GLYATL2: variants seen among roughly 807,000 people sequenced by gnomAD.
GLYATL2 encodes glycine N-acyltransferase-like protein 2.
GLYATL2 carries 25 observed loss-of-function variants against 21.4 expected under a neutral mutation model. That is an observed-to-expected ratio of 1.17 (90% CI 0.85 to 1.63). The LOEUF is 1.63. GLYATL2 is among the 40% of genes most tolerant of loss of function. The probability of loss-of-function intolerance (pLI) is 0.00; values close to 1 mark genes in which losing one functional copy is unlikely to be tolerated. For synonymous variants in GLYATL2, 114 were observed against 118.2 expected, an observed-to-expected ratio of 0.96 and a Z score of 0.23; for missense variants, 361 against 343.3, an observed-to-expected ratio of 1.05 and a Z score of -0.41.
chr11:58,868,392 A>G lies in GLYATL2; in HGVS notation n.61-30024T>C, dbSNP rs891206263. On this transcript the variant is annotated intron_variant and non_coding_transcript_variant, in intron 1 of 4. Transcript: ENST00000533636. Reference sequence around the variant, plus strand: ...GACACCAGGCATCTCATAAATCATGATTGCTTCCTTAGGTCTCCTGAGTTC... The same window carrying G: ...GACACCAGGCATCTCATAAATCATGGTTGCTTCCTTAGGTCTCCTGAGTTC... 2.0e-5 allele frequency among the ~76,000 whole-genome samples: 3 copies of G among 148,548 alleles called. 1 individual carries two copies. Among genetic ancestry groups the G allele is most frequent in the East Asian group, 4.5e-4 (2 of 4,426 alleles).
intron 1 of GLYATL2, among the ~76,000 whole-genome samples, chr11:58,883,440 C>T (rs1389545734): frequency 6.6e-6 from 1 of 152,166 alleles, no homozygotes; most frequent in Admixed American, 6.5e-5. Flanking sequence ...CTATAAAAAC[C>T]TCTACGCAAA....
intron 1 of GLYATL2, among the ~76,000 whole-genome samples, chr11:58,887,707 G>C (rs1440581139): frequency 1.3e-5 from 2 of 152,176 alleles, no homozygotes; most frequent in Non-Finnish European, 2.9e-5. Flanking sequence ...GCATTCCATA[G>C]AGTCAATGCA....
chr11:58,871,568 A>C (rs977208541), intron 1 of GLYATL2, among the ~76,000 whole-genome samples: 2 of 151,940 alleles, frequency 1.3e-5, no homozygotes, highest in African/African-American at 2.4e-5. Context: ...TTTGCTGAGA[A>C]TGATGGTTTC....
chr11:58,848,041 C>G (rs1476858788), upstream of GLYATL2, among the ~76,000 whole-genome samples: 1 of 119,594 alleles, frequency 8.4e-6, no homozygotes, highest in Non-Finnish European at 1.6e-5. Context: ...GGGAAGAAAA[C>G]AGAACAGTCT....
intron 1 of GLYATL2, among the ~76,000 whole-genome samples, chr11:58,853,517 G>A (rs1341796618): frequency 6.6e-6 from 1 of 152,124 alleles, no homozygotes; most frequent in Non-Finnish European, 1.5e-5. Flanking sequence ...GACGACTGTA[G>A]TATCAACTGG....
chr11:58,859,332 C>A (rs1055185450), intron 1 of GLYATL2, among the ~76,000 whole-genome samples: 1 of 151,380 alleles, frequency 6.6e-6, no homozygotes, highest in African/African-American at 2.4e-5. Context: ...CATTCTCTCT[C>A]TCTCTCATCC....
intron 1 of GLYATL2, among the ~76,000 whole-genome samples, chr11:58,842,405 T>A (rs1032104444): frequency 1.3e-5 from 2 of 152,136 alleles, no homozygotes; most frequent in Admixed American, 1.3e-4. Context: ...ACTGTCTATG[T>A]GCAGTTTGCC....
intron 1 of GLYATL2, among the ~76,000 whole-genome samples, chr11:58,886,446 AGTTC>A (rs1854441518): frequency 3.3e-5 from 5 of 152,228 alleles, no homozygotes; most frequent in Non-Finnish European, 7.3e-5. Context: ...TCTGAATTCA[AGTTC>A]ATTGCACTCT....
At chr11:58,874,633 A>T (rs1854191983) in intron 1 of GLYATL2, among the ~76,000 whole-genome samples, 1 of 152,164 alleles carries the variant, frequency 6.6e-6, no homozygotes, top group African/African-American at 2.4e-5. Flanking sequence ...TTCTAGTTTG[A>T]TTGCACTGTG....
intron 1 of GLYATL2, among the ~76,000 whole-genome samples, chr11:58,880,650 C>A (rs1221565806): frequency 1.3e-5 from 2 of 152,000 alleles, no homozygotes; most frequent in East Asian, 3.8e-4. Flanking sequence ...AAAAAAAAGA[C>A]CAGGTTTTTT....
intron 1 of GLYATL2, 27 bp from the exon 2 acceptor site, chr11:58,839,679 A>T: frequency 9.0e-7 from 1 of 1,114,952 alleles, no homozygotes; most frequent in South Asian, 1.4e-5. Flanking sequence ...AAAAACAAAA[A>T]TACCTAGAGA....
chr11:58,906,419 AC>A (rs1330591523), upstream of GLYATL2, among the ~76,000 whole-genome samples: 1 of 152,066 alleles, frequency 6.6e-6, no homozygotes, highest in East Asian at 1.9e-4. Context: ...CAGAGCAGAA[AC>A]TTTATTCACT....
At chr11:58,894,432 C>A (rs1854599689) in intron 1 of GLYATL2, among the ~76,000 whole-genome samples, 1 of 149,684 alleles carries the variant, frequency 6.7e-6, no homozygotes, top group Non-Finnish European at 1.5e-5. Context: ...TGCTCTGTCA[C>A]CCTGCCATTG....
intron 1 of GLYATL2, among the ~76,000 whole-genome samples, chr11:58,876,804 T>C (rs1208861214): frequency 1.3e-5 from 2 of 152,214 alleles, no homozygotes; most frequent in African/African-American, 2.4e-5. Flanking sequence ...GAACCATTAC[T>C]CTCTTCCAAG....
intron 1 of GLYATL2, among the ~76,000 whole-genome samples, chr11:58,873,224 T>A (rs952244655): frequency 1.4e-4 from 22 of 151,780 alleles, no homozygotes; most frequent in Admixed American, 1.4e-3. Context: ...AATCATGTAA[T>A]GTGCAAACAG....
At chr11:58,876,524 G>T (rs539297106) in intron 1 of GLYATL2, among the ~76,000 whole-genome samples, 2 of 152,314 alleles carry the variant, frequency 1.3e-5, no homozygotes, top group African/African-American at 4.8e-5. Context: ...ACCCTCAACT[G>T]CAGGTCTGTT....
intron 1 of GLYATL2, among the ~76,000 whole-genome samples, chr11:58,870,421 C>T (rs1469051556): frequency 6.6e-6 from 1 of 152,102 alleles, no homozygotes; most frequent in African/African-American, 2.4e-5. Flanking sequence ...TCTTATAAGG[C>T]TTTTATATCT....
chr11:58,879,178 AT>A (rs11334970), intron 1 of GLYATL2, among the ~76,000 whole-genome samples: 149,961 of 151,042 alleles, frequency 0.99, 74,451 homozygotes, highest in Middle Eastern at 1. Flanking sequence ...AGTCCCTTCC[AT>A]TTTTTTTTTC....
chr11:58,854,434 G>T (rs61889920), intron 1 of GLYATL2, among the ~76,000 whole-genome samples: 2,061 of 152,308 alleles, frequency 0.014, 17 homozygotes, highest in South Asian at 0.022. Context: ...TCTATTAGGT[G>T]TCCAATTGCA....
Sources: allele counts gnomAD v4.1 joint callset (sites outside exome capture counted in the v4.1 genomes callset), GRCh38; gene constraint gnomAD v4.1.1; transcripts MANE v1.5; gene names NCBI Gene and HGNC (gene_info 2026-07-23, HGNC 2026-07-21).